Variants in CNTLN observed in about 807,000 individuals in gnomAD.
The protein encoded by CNTLN is centlein, centrosomal protein.
A neutral mutation model predicts 180.0 loss-of-function variants in CNTLN; 212 were observed. The observed-to-expected ratio is 1.18, with a 90% CI of 1.05 to 1.32. The LOEUF is 1.32. CNTLN is among the 40% of genes most tolerant of loss of function. The pLI, the probability that CNTLN is intolerant of heterozygous loss-of-function variation, is 0.00. For synonymous variants in CNTLN, 722 were observed against 563.1 expected (o/e 1.28, Z -3.99); for missense variants, 2,095 against 1,610.9 (o/e 1.30, Z -5.14).
At chr9:17,316,289 C>T (rs1391914001) in intron 8 of CNTLN, among the ~76,000 whole-genome samples, 1 of 151,928 alleles carries the variant, frequency 6.6e-6, no homozygotes, top group Non-Finnish European at 1.5e-5. Flanking sequence ...CATGTTGTAT[C>T]GTTTTCCATA....
intron 2 of CNTLN, among the ~76,000 whole-genome samples, chr9:17,181,176 G>T (rs2815173): frequency 0.22 from 32,888 of 151,994 alleles, 4,004 homozygotes; most frequent in African/African-American, 0.34. Flanking sequence ...CTCAGGTGTT[G>T]TAAATATTAG....
chr9:17,496,562 A>C (rs1297254972), intron 25 of CNTLN, among the ~76,000 whole-genome samples: 1 of 152,178 alleles, frequency 6.6e-6, no homozygotes, highest in Non-Finnish European at 1.5e-5. Context: ...CAACATACAA[A>C]TTTTGGGGGA....
At chr9:17,283,882 T>G (rs1462441575) in intron 6 of CNTLN, among the ~76,000 whole-genome samples, 1 of 152,214 alleles carries the variant, frequency 6.6e-6, no homozygotes, top group Non-Finnish European at 1.5e-5. Context: ...GTTCTGTTTA[T>G]GTGATGAATT....
intron 2 of CNTLN, among the ~76,000 whole-genome samples, chr9:17,217,073 A>G (rs999769770): frequency 6.6e-6 from 1 of 152,272 alleles, no homozygotes; most frequent in Non-Finnish European, 1.5e-5. Flanking sequence ...CTTGCAATAA[A>G]CATGAAGAAT....
chr9:17,513,465 G>A, the CNTLN span, among the ~76,000 whole-genome samples: 39,125 of 152,062 alleles, frequency 0.26, 6,049 homozygotes, highest in African/African-American at 0.43. Context: ...GGAGGCCCAG[G>A]CGGGCAGCTC....
chr9:17,444,497 C>T (rs1250487958), intron 18 of CNTLN, among the ~76,000 whole-genome samples: 1 of 152,160 alleles, frequency 6.6e-6, no homozygotes, highest in Non-Finnish European at 1.5e-5. Context: ...TTTGCTGTCA[C>T]CCACTTCAGT....
intron 6 of CNTLN, among the ~76,000 whole-genome samples, chr9:17,295,499 G>C (rs1817825894): frequency 1.3e-5 from 2 of 152,252 alleles, no homozygotes; most frequent in South Asian, 2.1e-4. Flanking sequence ...CTTGCTCTCT[G>C]TGGGTTGTGC....
At chr9:17,406,902 G>A (rs1587910328) in intron 15 of CNTLN, among the ~76,000 whole-genome samples, 1 of 151,526 alleles carries the variant, frequency 6.6e-6, no homozygotes, top group Admixed American at 6.6e-5. Flanking sequence ...AATCTAAACA[G>A]TTTGTTTTGA....
At chr9:17,387,687 A>G (rs1825782564) in intron 13 of CNTLN, among the ~76,000 whole-genome samples, 1 of 152,074 alleles carries the variant, frequency 6.6e-6, no homozygotes. Flanking sequence ...CTTCACTTGA[A>G]AAAAAGGTTG....
intron 1 of CNTLN, among the ~76,000 whole-genome samples, chr9:17,142,536 C>G (rs1026737133): frequency 1.1e-4 from 17 of 152,052 alleles, no homozygotes; most frequent in African/African-American, 3.9e-4. Context: ...AGATGTAAGT[C>G]TGGACCTAAG....
rs551191142 is a variant in CNTLN, at chr9:17,180,711, T to A, written c.449+37335T>A. Reference sequence around the variant, plus strand: ...TTTAGAAAACTTACTTTAGCTATACTTTTTTGTTTGGTCTCATGACAACCA... The same window carrying A: ...TTTAGAAAACTTACTTTAGCTATACATTTTTGTTTGGTCTCATGACAACCA... On this transcript the variant is annotated intron_variant, in intron 2 of 25. Transcript: ENST00000380647. Among the ~76,000 whole-genome samples the A allele has an allele frequency of 3.9e-5, 6 of 152,128 alleles. No individual in the cohort carries two copies. In the East Asian group the frequency reaches 1.2e-3, roughly 29 times the overall value.
At chr9:17,380,302 G>A (rs1825135634) in intron 13 of CNTLN, among the ~76,000 whole-genome samples, 1 of 152,152 alleles carries the variant, frequency 6.6e-6, no homozygotes, top group African/African-American at 2.4e-5. Flanking sequence ...TCAGAACGAG[G>A]ACAAGTATCT....
chr9:17,525,704 AT>A, the CNTLN span, among the ~76,000 whole-genome samples: 1 of 152,184 alleles, frequency 6.6e-6, no homozygotes, highest in African/African-American at 2.4e-5. Context: ...AATAAAAAAT[AT>A]GTTAGCTAAT....
intron 12 of CNTLN, among the ~76,000 whole-genome samples, chr9:17,355,059 CT>C (rs1446483746): frequency 6.6e-6 from 1 of 152,106 alleles, no homozygotes; most frequent in African/African-American, 2.4e-5. Context: ...CGGAACACAT[CT>C]GAACATCAGA....
At chr9:17,516,830 C>T in the CNTLN span, among the ~76,000 whole-genome samples, 2 of 152,158 alleles carry the variant, frequency 1.3e-5, no homozygotes, top group Non-Finnish European at 2.9e-5. Flanking sequence ...ACAGCAAGAA[C>T]TTGATCTAGA....
At chr9:17,195,521 T>C (rs1047922266) in intron 2 of CNTLN, among the ~76,000 whole-genome samples, 9 of 152,192 alleles carry the variant, frequency 5.9e-5, no homozygotes, top group African/African-American at 2.2e-4. Context: ...GAGCTTGTTT[T>C]TATGAGTTTT....
At chr9:17,185,384 C>G (rs1182761290) in intron 2 of CNTLN, among the ~76,000 whole-genome samples, 2 of 152,182 alleles carry the variant, frequency 1.3e-5, no homozygotes, top group African/African-American at 2.4e-5. Flanking sequence ...AAGGGTTTAT[C>G]AAAAGATAAT....
In CNTLN at chr9:17,330,789, G is replaced by A; in HGVS notation, c.1499G>A (p.Ser500Asn). 2 of 1,606,904 alleles carry A rather than the reference G, an allele frequency of 1.2e-6. No homozygotes were observed. Among genetic ancestry groups the A allele is most frequent in the East Asian group, 2.3e-5 (1 of 44,422 alleles). Residue 500 changes from serine (S) to asparagine (N), a missense_variant, in exon 9 of 26, where the codon AGT becomes AAT. Transcript: ENST00000380647. Reference sequence around the variant, plus strand: ...TTCTCCCGAAAGAGCATCATGACAAGTGCTGAAGGAAAACATAAGGTAGGG... The same window carrying A: ...TTCTCCCGAAAGAGCATCATGACAAATGCTGAAGGAAAACATAAGGTAGGG... ...KGFSRKSIMT[S>N]AEGKHKEPPV... is the part of the protein sequence containing the mutation.
intron 12 of CNTLN, among the ~76,000 whole-genome samples, chr9:17,352,877 C>T (rs935293712): frequency 6.6e-6 from 1 of 152,168 alleles, no homozygotes; most frequent in African/African-American, 2.4e-5. Flanking sequence ...ACATTGAAGC[C>T]TGTGTCAAAA....
Sources: allele counts gnomAD v4.1 joint callset (sites outside exome capture counted in the v4.1 genomes callset), GRCh38; gene constraint gnomAD v4.1.1; transcripts MANE v1.5; gene names NCBI Gene and HGNC (gene_info 2026-07-23, HGNC 2026-07-21).